Variants in MMP26 observed in about 807,000 individuals in gnomAD.
The protein encoded by MMP26 is matrix metallopeptidase 26, also known as matrix metalloproteinase-26.
A neutral mutation model predicts 31.0 loss-of-function variants in MMP26; 33 were observed. The observed-to-expected ratio is 1.06, with a 90% CI of 0.81 to 1.42. The LOEUF (loss-of-function observed/expected upper bound fraction) is 1.42. Among genes scored for constraint, MMP26 ranks in the 40% most tolerant of loss-of-function variants. The probability of loss-of-function intolerance (pLI) is 0.00; values close to 1 mark genes in which losing one functional copy is unlikely to be tolerated. For synonymous variants in MMP26, 122 were observed against 114.9 expected (o/e 1.06, Z -0.40); for missense variants, 347 against 316.1 (o/e 1.10, Z -0.74).
intron 2 of MMP26, among the ~76,000 whole-genome samples, chr11:4,937,213 A>G (rs1017407025): frequency 6.6e-6 from 1 of 152,198 alleles, no homozygotes; most frequent in Non-Finnish European, 1.5e-5. Context: ...GGTACTGAAT[A>G]TCAAAAGTCA....
chr11:4,852,817 T>A lies in MMP26; in HGVS notation c.-145+85476T>A, dbSNP rs1849994556. On this transcript the variant is annotated intron_variant, in intron 2 of 7. Transcript: ENST00000380390. ...AATAGCCAAGATATGGAAACAAGTGTTCATTGATGTACGAAGAGGTTAAAA... is the reference window on the plus strand; with the variant it reads ...AATAGCCAAGATATGGAAACAAGTGATCATTGATGTACGAAGAGGTTAAAA... 2.0e-5 allele frequency among the ~76,000 whole-genome samples: 3 copies of A among 152,108 alleles called. No homozygotes were observed. In the South Asian group the frequency reaches 6.2e-4, roughly 31 times the overall value.
At chr11:4,853,877 A>G (rs1850011304) in intron 2 of MMP26, among the ~76,000 whole-genome samples, 1 of 152,208 alleles carries the variant, frequency 6.6e-6, no homozygotes, top group Admixed American at 6.5e-5. Context: ...ATAGACATAT[A>G]AATTCTTAAT....
At chr11:4,915,491 C>A in intron 2 of MMP26, 3 of 1,613,998 alleles carry the variant, frequency 1.9e-6, no homozygotes, top group Non-Finnish European at 1.7e-6. Flanking sequence ...ATGAAGTGAG[C>A]GCTCTGTTTT....
Position 4,769,644 on chromosome 11 carries a change from G to A in MMP26, c.-145+2303G>A, listed in dbSNP as rs563980182. 52 of 950,712 alleles carry A rather than the reference G, an allele frequency of 5.5e-5. 2 individuals are homozygous for A. The highest frequency in any genetic ancestry group is 5.2e-4 in the African/African-American group (12 of 23,236). The allele number at this position is 950,712 out of a possible 1,614,324, so 58.9% of individuals were successfully genotyped here. ...ATGCAGCTATATAGACTGATTTCAC[G>A]TGCCTCAAACCAGAGGATACCTAAT... On this transcript the variant is annotated intron_variant, in intron 2 of 7. Transcript: ENST00000380390.
chr11:4,735,209 C>T (rs1848223476), intron 1 of MMP26, among the ~76,000 whole-genome samples: 1 of 152,218 alleles, frequency 6.6e-6, no homozygotes, highest in Non-Finnish European at 1.5e-5. Context: ...CAGAATCTCA[C>T]TGTTTTCACA....
At chr11:4,746,982 G>T (rs540053646) in intron 1 of MMP26, among the ~76,000 whole-genome samples, 1 of 152,118 alleles carries the variant, frequency 6.6e-6, no homozygotes, top group South Asian at 2.1e-4. Flanking sequence ...ATCCTTATTT[G>T]TAAAAAATGA....
intron 2 of MMP26, among the ~76,000 whole-genome samples, chr11:4,820,018 C>T (rs1342158846): frequency 2.0e-5 from 3 of 152,176 alleles, no homozygotes; most frequent in Non-Finnish European, 4.4e-5. Context: ...AGCTTCATAT[C>T]TCCACAGTTC....
At chr11:4,882,167 C>A (rs748696529) in intron 2 of MMP26, 1 of 1,613,932 alleles carries the variant, frequency 6.2e-7, no homozygotes, top group Non-Finnish European at 8.5e-7. Flanking sequence ...TCTCTGGTTT[C>A]ATGCCCGGGA....
In MMP26 at chr11:4,930,048, A is replaced by T. The variant is rs368637313; in HGVS notation, c.-144-58020A>T. 6.8e-4 allele frequency among the ~76,000 whole-genome samples: 104 copies of T among 152,250 alleles called. 1 individual carries two copies. Among genetic ancestry groups the T allele is most frequent in the Admixed American group, 3.0e-3 (46 of 15,262 alleles). ...GAACATAATTTATGACTATATACAG[A>T]TAATTCTTTCAATTTCTTTGATTTA... On this transcript the variant is annotated intron_variant, in intron 2 of 7. Coordinates refer to ENST00000380390, the MANE Select transcript of MMP26 (RefSeq NM_021801.5).
intron 1 of MMP26, among the ~76,000 whole-genome samples, chr11:4,706,007 G>T (rs568230756): frequency 1.6e-4 from 25 of 151,902 alleles, no homozygotes; most frequent in African/African-American, 5.6e-4. Flanking sequence ...AGCTGTTCTT[G>T]GACCCATGTT....
chr11:4,846,584 A>C (rs998838469), intron 2 of MMP26, among the ~76,000 whole-genome samples: 1 of 152,198 alleles, frequency 6.6e-6, no homozygotes, highest in Non-Finnish European at 1.5e-5. Flanking sequence ...ACAGAGGATA[A>C]CTGCTTGAGG....
At chr11:4,797,402 G>A (rs1488336605) in intron 2 of MMP26, among the ~76,000 whole-genome samples, 4 of 152,096 alleles carry the variant, frequency 2.6e-5, no homozygotes, top group Non-Finnish European at 5.9e-5. Context: ...TCCTTTCCTG[G>A]AGCAACATTT....
chr11:4,719,463 A>T (rs1453162371), intron 1 of MMP26: 1 of 153,802 alleles, frequency 6.5e-6, no homozygotes, highest in African/African-American at 2.4e-5. Flanking sequence ...CCTACCTACT[A>T]ATCCCTCCTG....
intron 2 of MMP26, among the ~76,000 whole-genome samples, chr11:4,969,051 A>G (rs1266713890): frequency 3.9e-5 from 6 of 152,130 alleles, no homozygotes. Context: ...TTTTGTCCAC[A>G]TACATTGATT....
chr11:4,803,552 T>C, intron 2 of MMP26: 1 of 1,613,966 alleles, frequency 6.2e-7, no homozygotes, highest in Non-Finnish European at 8.5e-7. Flanking sequence ...GCAAACAGGA[T>C]GTGTACAACT....
chr11:4,806,679 G>C (rs1438992143), intron 2 of MMP26, among the ~76,000 whole-genome samples: 1 of 152,126 alleles, frequency 6.6e-6, no homozygotes, highest in East Asian at 1.9e-4. Context: ...ATTTATAACA[G>C]ACTGGGAGAA....
intron 2 of MMP26, among the ~76,000 whole-genome samples, chr11:4,825,347 C>T (rs1224648611): frequency 6.6e-6 from 1 of 152,112 alleles, no homozygotes; most frequent in Non-Finnish European, 1.5e-5. Context: ...GAAGATCTGT[C>T]AAACCTGAGC....
At chr11:4,958,078 T>C (rs74052698) in intron 2 of MMP26, among the ~76,000 whole-genome samples, 198 of 152,274 alleles carry the variant, frequency 1.3e-3, no homozygotes, top group African/African-American at 4.4e-3. Context: ...TAACTGCAAT[T>C]AATTTGTAAT....
At chr11:4,827,115 G>A (rs548263812) in intron 2 of MMP26, among the ~76,000 whole-genome samples, 1 of 152,248 alleles carries the variant, frequency 6.6e-6, no homozygotes, top group South Asian at 2.1e-4. Context: ...CGAAAAGCCA[G>A]CCAATGACTA....
Sources: gnomAD v4.1 joint callset for allele counts (sites outside exome capture counted in the v4.1 genomes callset) on GRCh38, gnomAD v4.1.1 for gene constraint, MANE v1.5 for transcripts, NCBI Gene and HGNC (gene_info 2026-07-23, HGNC 2026-07-21) for gene names.